The following ABLIM1 variants were observed in gnomAD, a reference collection of about 807,000 sequenced individuals.
ABLIM1 encodes actin binding LIM protein 1.
In ABLIM1, 40 loss-of-function variants were observed where a neutral mutation model predicts 107.0. The observed-to-expected ratio is 0.37, with a 90% CI of 0.29 to 0.49. The LOEUF is 0.49. Ranked by LOEUF, ABLIM1 falls within the 20% of genes least tolerant of loss-of-function variation. ABLIM1 has a pLI of 0.97. For synonymous variants in ABLIM1, 357 were observed against 357.3 expected, an observed-to-expected ratio of 1.00 and a Z score of 0.01; for missense variants, 857 against 1,008.5, an observed-to-expected ratio of 0.85 and a Z score of 2.04.
intron 1 of ABLIM1, among the ~76,000 whole-genome samples, chr10:114,650,562 A>T (rs780157085): frequency 3.9e-5 from 6 of 152,192 alleles, no homozygotes; most frequent in Non-Finnish European, 8.8e-5. Flanking sequence ...CTAAAAATAA[A>T]ATAAACAAAA....
At chr10:114,685,564 C>T (rs934748776), upstream of ABLIM1, among the ~76,000 whole-genome samples, 3 of 152,182 alleles carry the variant, frequency 2.0e-5, no homozygotes, top group Non-Finnish European at 4.4e-5. Context: ...CCTATGTGCC[C>T]TTCCCCTGGT....
chr10:114,792,039 G>T, the ABLIM1 span, among the ~76,000 whole-genome samples: 1 of 152,208 alleles, frequency 6.6e-6, no homozygotes, highest in African/African-American at 2.4e-5. Context: ...TAAGAATCTT[G>T]GCTGGGTACA....
At chr10:114,552,145 T>C (rs997771353) in intron 4 of ABLIM1, among the ~76,000 whole-genome samples, 2 of 152,186 alleles carry the variant, frequency 1.3e-5, no homozygotes, top group Non-Finnish European at 2.9e-5. Flanking sequence ...CACTCCTGTC[T>C]GGACAAAGCC....
At chr10:114,513,136 T>C (rs1238570097) in intron 6 of ABLIM1, among the ~76,000 whole-genome samples, 4 of 152,104 alleles carry the variant, frequency 2.6e-5, no homozygotes, top group African/African-American at 9.7e-5. Flanking sequence ...CCAGATACTT[T>C]CTCACCTAAA....
chr10:114,457,726 C>A (rs1292462843), intron 12 of ABLIM1, among the ~76,000 whole-genome samples: 2 of 152,190 alleles, frequency 1.3e-5, no homozygotes, highest in Non-Finnish European at 2.9e-5. Flanking sequence ...TCATTATTTT[C>A]ATCATCATCG....
intron 6 of ABLIM1, among the ~76,000 whole-genome samples, chr10:114,498,478 T>C (rs566664382): frequency 3.2e-4 from 48 of 152,340 alleles, no homozygotes; most frequent in African/African-American, 1.1e-3. Context: ...GAACCCATCC[T>C]TGGACAGAAA....
intron 1 of ABLIM1, among the ~76,000 whole-genome samples, chr10:114,647,440 T>C (rs1352193988): frequency 2.0e-5 from 3 of 152,196 alleles, no homozygotes; most frequent in African/African-American, 4.8e-5. Context: ...ATGATAGCAC[T>C]TCAGGGAAAA....
chr10:114,779,939 C>T, the ABLIM1 span: 3 of 151,726 alleles, frequency 2.0e-5, no homozygotes, highest in Admixed American at 2.0e-4. Context: ...TGGTGACTCA[C>T]ATCCTGCCTT....
chr10:114,438,201 T>C (rs540650292), intron 21 of ABLIM1, among the ~76,000 whole-genome samples: 2 of 152,290 alleles, frequency 1.3e-5, no homozygotes, highest in East Asian at 1.9e-4. Context: ...TTACTATGTA[T>C]TGGGATGAAG....
At chr10:114,471,179 G>A (rs1024571472) in intron 10 of ABLIM1, among the ~76,000 whole-genome samples, 1 of 152,200 alleles carries the variant, frequency 6.6e-6, no homozygotes, top group Non-Finnish European at 1.5e-5. Flanking sequence ...ACGGACATGA[G>A]TCACCATGTC....
intron 1 of ABLIM1, among the ~76,000 whole-genome samples, chr10:114,745,714 G>A (rs1047967529): frequency 2.6e-5 from 4 of 152,184 alleles, no homozygotes; most frequent in African/African-American, 9.6e-5. Flanking sequence ...GGTGGCTTAC[G>A]CCTGCAATCC....
upstream of ABLIM1, among the ~76,000 whole-genome samples, chr10:114,772,650 C>T (rs60246497): frequency 0.015 from 2,302 of 152,034 alleles, 46 homozygotes; most frequent in African/African-American, 0.051. Context: ...CCAAGGATTC[C>T]ACAAATAAAG....
chr10:114,559,555 C>T (rs760007147), intron 4 of ABLIM1, among the ~76,000 whole-genome samples: 10 of 151,984 alleles, frequency 6.6e-5, no homozygotes, highest in African/African-American at 9.7e-5. Flanking sequence ...ACAGGATGTG[C>T]TCACCCTGGG....
At chr10:114,611,917 C>T (rs1361509914) in intron 1 of ABLIM1, among the ~76,000 whole-genome samples, 1 of 152,188 alleles carries the variant, frequency 6.6e-6, no homozygotes, top group East Asian at 1.9e-4. Context: ...TTGTATACAA[C>T]TCCCACCTCT....
chr10:114,595,449 TACAG>T (rs2075321736), intron 2 of ABLIM1, among the ~76,000 whole-genome samples: 1 of 152,158 alleles, frequency 6.6e-6, no homozygotes, highest in African/African-American at 2.4e-5. Flanking sequence ...ACAACCATGA[TACAG>T]ACAAAGTAAA....
the ABLIM1 span, among the ~76,000 whole-genome samples, chr10:114,781,653 T>C: frequency 2.7e-5 from 2 of 72,940 alleles, no homozygotes; most frequent in African/African-American, 5.3e-5. Flanking sequence ...TGTGTGTATA[T>C]ATATATGCGT....
At chr10:114,756,201 G>C (rs1401022074) in intron 1 of ABLIM1, among the ~76,000 whole-genome samples, 2 of 152,012 alleles carry the variant, frequency 1.3e-5, no homozygotes, top group Non-Finnish European at 2.9e-5. Context: ...TTCTCACACT[G>C]ATCTTTAAAT....
At chr10:114,632,123 C>A (rs1189224684) in intron 1 of ABLIM1, 1 of 985,348 alleles carries the variant, frequency 1.0e-6, no homozygotes, top group Non-Finnish European at 1.2e-6. Context: ...CTATCGCCCC[C>A]GCGCTCTTCT....
intron 1 of ABLIM1, among the ~76,000 whole-genome samples, chr10:114,609,530 C>T (rs2076664055): frequency 6.6e-6 from 1 of 152,202 alleles, no homozygotes. Flanking sequence ...ATTTCATAAT[C>T]CTGGCCCTAC....
Sources: gnomAD v4.1 joint callset for allele counts (sites outside exome capture counted in the v4.1 genomes callset) on GRCh38, gnomAD v4.1.1 for gene constraint, MANE v1.5 for transcripts, NCBI Gene and HGNC (gene_info 2026-07-23, HGNC 2026-07-21) for gene names.